ROBO2: variants seen among roughly 807,000 people sequenced by gnomAD.
ROBO2 encodes the protein roundabout guidance receptor 2.
A neutral mutation model predicts 160.8 loss-of-function variants in ROBO2; 53 were observed. The ratio of observed to expected loss-of-function variants is 0.33; its 90% CI spans 0.26 to 0.41. The LOEUF is 0.41. Among genes scored for constraint, ROBO2 ranks in the 10% least tolerant of loss-of-function variants. ROBO2 has a pLI of 1.00. For synonymous variants in ROBO2, 664 were observed against 611.7 expected, an observed-to-expected ratio of 1.09 and a Z score of -1.26; for missense variants, 1,577 against 1,722.4, an observed-to-expected ratio of 0.92 and a Z score of 1.49.
intron 2 of ROBO2, among the ~76,000 whole-genome samples, chr3:76,919,481 T>C (rs2076533004): frequency 6.6e-6 from 1 of 152,222 alleles, no homozygotes; most frequent in Non-Finnish European, 1.5e-5. Context: ...AGTCTAAATT[T>C]AATTTTATAT....
chr3:77,096,779 C>A (rs1393056161), intron 1 of ROBO2, among the ~76,000 whole-genome samples: 4 of 152,072 alleles, frequency 2.6e-5, no homozygotes, highest in Non-Finnish European at 1.5e-5. Context: ...CCCCTTATGG[C>A]CCCACTTTTA....
exon 1 of ROBO2, chr3:77,040,423 A>G: frequency 9.5e-7 from 1 of 1,048,382 alleles, no homozygotes; most frequent in Non-Finnish European, 1.1e-6. Flanking sequence ...CTCCCCCTTC[A>G]TCATCTTGAC....
intron 2 of ROBO2, among the ~76,000 whole-genome samples, chr3:77,350,053 G>A (rs974492646): frequency 1.3e-5 from 2 of 149,756 alleles, no homozygotes; most frequent in Non-Finnish European, 3.0e-5. Flanking sequence ...ACGTCCCTGC[G>A]ATTGGTACAT....
intron 2 of ROBO2, among the ~76,000 whole-genome samples, chr3:76,379,834 C>G (rs1465261326): frequency 6.6e-6 from 1 of 152,068 alleles, no homozygotes; most frequent in Non-Finnish European, 1.5e-5. Flanking sequence ...GCCTTAGGAG[C>G]TAGTAATAAC....
intron 2 of ROBO2, among the ~76,000 whole-genome samples, chr3:77,226,565 T>C (rs1318368669): frequency 1.3e-5 from 2 of 152,098 alleles, no homozygotes; most frequent in Non-Finnish European, 2.9e-5. Flanking sequence ...TGCCTTCTTA[T>C]ATCATCTCAA....
At chr3:77,433,421 T>C (rs2078974768) in intron 2 of ROBO2, among the ~76,000 whole-genome samples, 1 of 148,132 alleles carries the variant, frequency 6.8e-6, no homozygotes, top group African/African-American at 2.5e-5. Flanking sequence ...ATAATGTTTA[T>C]TAGGGACCAT....
intron 2 of ROBO2, among the ~76,000 whole-genome samples, chr3:76,028,010 G>A (rs2066799759): frequency 6.6e-6 from 1 of 151,804 alleles, no homozygotes; most frequent in Non-Finnish European, 1.5e-5. Context: ...AAATGTCTTA[G>A]GCTATTGGCA....
At chr3:77,489,551 T>G (rs565445847) in intron 4 of ROBO2, among the ~76,000 whole-genome samples, 19 of 152,266 alleles carry the variant, frequency 1.2e-4, no homozygotes, top group African/African-American at 4.6e-4. Flanking sequence ...TAAAAAACCC[T>G]TAGGGATCCT....
In ROBO2 at chr3:76,256,299, GTCTCTCTCTCTCTCTCTCTCTCTC is replaced by G. The variant is rs372215718; in HGVS notation, c.109+318728_109+318751del. On this transcript the variant is annotated intron_variant, in intron 2 of 26. Coordinates refer to the ROBO2 transcript ENST00000487694. ...CACTGCAGCCTGGGTGACAGAGTGA[GTCTCTCTCTCTCTCTCTCTCTCTC>G]TCTCTCTCTCTCTCTCTCTCTCTCT... 2.7e-3 allele frequency among the ~76,000 whole-genome samples: 248 copies of G among 92,552 alleles called. 1 individual carries two copies. The highest frequency in any genetic ancestry group is 8.7e-3 in the African/African-American group (231 of 26,478). The allele number at this position is 92,552 out of a possible 152,430, so 60.7% of individuals were successfully genotyped here.
chr3:76,355,604 T>A (rs1392601331), intron 2 of ROBO2, among the ~76,000 whole-genome samples: 25 of 151,770 alleles, frequency 1.6e-4, no homozygotes, highest in Non-Finnish European at 3.4e-4. Context: ...AATAAGTATA[T>A]CTAACACTGA....
At chr3:75,968,600 TA>T (rs200514148) in intron 2 of ROBO2, among the ~76,000 whole-genome samples, 5,689 of 151,680 alleles carry the variant, frequency 0.038, 173 homozygotes, top group East Asian at 0.15. Context: ...CAAGAGCACC[TA>T]AAAAATATAC....
intron 2 of ROBO2, among the ~76,000 whole-genome samples, chr3:76,625,862 A>G (rs1157090953): frequency 6.6e-6 from 1 of 152,160 alleles, no homozygotes; most frequent in Non-Finnish European, 1.5e-5. Context: ...TTAACAGATG[A>G]AAATGTGATT....
rs116459490 is a variant in ROBO2 at position 77,436,979 on chromosome 3, A to C, written c.389-40435A>C. On this transcript the variant is annotated intron_variant, in intron 2 of 25. Coordinates refer to ENST00000461745, the Ensembl canonical transcript of ROBO2. ...ATTCTGTAATAGCAATCTTTGGACAATTGTATACACATGATTTTCTACTTT... is the reference window on the plus strand; with the variant it reads ...ATTCTGTAATAGCAATCTTTGGACACTTGTATACACATGATTTTCTACTTT... Among the ~76,000 whole-genome samples the C allele has an allele frequency of 7.0e-3, 1,063 of 152,086 alleles. 5 individuals are homozygous for C. Among genetic ancestry groups the C allele is most frequent in the Non-Finnish European group, 0.011 (778 of 67,850 alleles).
At chr3:77,528,561 T>C (rs1210108022) in intron 6 of ROBO2, among the ~76,000 whole-genome samples, 5 of 151,668 alleles carry the variant, frequency 3.3e-5, no homozygotes, top group Non-Finnish European at 5.9e-5. Context: ...CAATACTCCC[T>C]TTTGATTAGT....
chr3:76,208,376 T>C (rs548720967), intron 2 of ROBO2, among the ~76,000 whole-genome samples: 1 of 152,294 alleles, frequency 6.6e-6, no homozygotes, highest in South Asian at 2.1e-4. Context: ...TGAAATATAA[T>C]ACTTTTTCAA....
At chr3:77,470,505 A>C (rs1241578918) in intron 2 of ROBO2, among the ~76,000 whole-genome samples, 1 of 152,194 alleles carries the variant, frequency 6.6e-6, no homozygotes, top group Non-Finnish European at 1.5e-5. Flanking sequence ...CTAACACAAT[A>C]GATGAGGCTC....
intron 2 of ROBO2, among the ~76,000 whole-genome samples, chr3:77,292,968 A>C (rs1323017190): frequency 1.3e-5 from 2 of 150,706 alleles, no homozygotes; most frequent in African/African-American, 2.4e-5. Flanking sequence ...CTAGATCACC[A>C]AAGACATTAA....
chr3:76,428,700 G>T (rs2076316934), intron 2 of ROBO2, among the ~76,000 whole-genome samples: 1 of 152,072 alleles, frequency 6.6e-6, no homozygotes, highest in Non-Finnish European at 1.5e-5. Context: ...ATTAGATTTG[G>T]TTTTACATTT....
At chr3:75,935,578 T>C (rs952612503) in intron 1 of ROBO2, among the ~76,000 whole-genome samples, 12 of 152,176 alleles carry the variant, frequency 7.9e-5, no homozygotes, top group Non-Finnish European at 1.8e-4. Context: ...TAAACACACG[T>C]TATCCATAGT....
Sources: allele counts gnomAD v4.1 joint callset (sites outside exome capture counted in the v4.1 genomes callset), GRCh38; gene constraint gnomAD v4.1.1; transcripts MANE v1.5; gene names NCBI Gene and HGNC (gene_info 2026-07-23, HGNC 2026-07-21).